TCF7: variants seen among roughly 807,000 people sequenced by gnomAD.
TCF7 encodes transcription factor 7.
TCF7 carries 19 observed loss-of-function variants against 46.8 expected under a neutral mutation model. That is an observed-to-expected ratio of 0.41 (90% CI 0.28 to 0.60). The LOEUF (loss-of-function observed/expected upper bound fraction) is 0.60, where lower values mean the gene tolerates loss of function less well. Among genes scored for constraint, TCF7 ranks in the 20% least tolerant of loss-of-function variants. The pLI, the probability that TCF7 is intolerant of heterozygous loss-of-function variation, is 0.35. For synonymous variants in TCF7, 245 were observed against 213.4 expected (o/e 1.15, Z -1.29); for missense variants, 547 against 504.6 (o/e 1.08, Z -0.81).
intron 3 of TCF7, among the ~76,000 whole-genome samples, chr5:134,130,743 G>GCC (rs1758004008): frequency 6.6e-6 from 1 of 152,162 alleles, no homozygotes; most frequent in African/African-American, 2.4e-5. Context: ...CCTGTATGCT[G>GCC]CAGTGACCCT....
intron 3 of TCF7, among the ~76,000 whole-genome samples, chr5:134,125,814 G>A (rs997982801): frequency 2.0e-5 from 3 of 152,196 alleles, no homozygotes; most frequent in Non-Finnish European, 4.4e-5. Flanking sequence ...GGGAGACCCC[G>A]GTGTCCGGTG....
chr5:134,116,425 G>A (rs901659846), intron 3 of TCF7, among the ~76,000 whole-genome samples: 11 of 152,226 alleles, frequency 7.2e-5, no homozygotes, highest in Admixed American at 5.9e-4. Context: ...AGGAAACCCT[G>A]AGCCTCCTTG....
chr5:134,115,699 TGGGAGGTCAAGTAG>T, intron 2 of TCF7, 196 bp from the exon 3 acceptor site: 1 of 1,425,120 alleles, frequency 7.0e-7, no homozygotes, highest in Non-Finnish European at 9.1e-7. Flanking sequence ...GGGCGGGGGG[TGGGAGGTCAAGTAG>T]GGGCCACCTC....
intron 3 of TCF7, among the ~76,000 whole-genome samples, chr5:134,123,251 A>G (rs1326130473): frequency 6.6e-6 from 1 of 151,960 alleles, no homozygotes; most frequent in African/African-American, 2.4e-5. Flanking sequence ...CCTCTGGCCT[A>G]CCCTACCCTT....
At chr5:134,136,032 G>A (rs1024649293) in intron 3 of TCF7, among the ~76,000 whole-genome samples, 5 of 152,202 alleles carry the variant, frequency 3.3e-5, no homozygotes. Flanking sequence ...GAGTCATCTA[G>A]TGGAGGGATG....
intron 3 of TCF7, among the ~76,000 whole-genome samples, chr5:134,126,052 G>A (rs906138566): frequency 1.3e-5 from 2 of 152,280 alleles, no homozygotes; most frequent in African/African-American, 4.8e-5. Context: ...TAACCAGCAT[G>A]AAAGTCATTA....
At chr5:134,138,923 C>T (rs758703202) in intron 4 of TCF7, 28 bp from the exon 5 acceptor site, 1 of 1,612,884 alleles carries the variant, frequency 6.2e-7, no homozygotes, top group East Asian at 2.2e-5. Context: ...TCAGGCTAGC[C>T]CACTCACTCA....
At chr5:134,126,319 T>C (rs375475864) in intron 3 of TCF7, among the ~76,000 whole-genome samples, 11 of 152,040 alleles carry the variant, frequency 7.2e-5, no homozygotes, top group African/African-American at 2.7e-4. Flanking sequence ...GGCGGGGGTG[T>C]GGGGACAGAT....
rs775254528 is a variant in TCF7 at position 134,146,393 on chromosome 5, C to G, written c.*90C>G. 6.0e-6 allele frequency: 9 copies of G among 1,489,574 alleles called. No individual in the cohort carries two copies. Among genetic ancestry groups the G allele is most frequent in the Non-Finnish European group, 8.4e-6 (9 of 1,066,534 alleles). The allele number at this position is 1,489,574 out of a possible 1,614,324, so 92.3% of individuals were successfully genotyped here. A position where few individuals can be genotyped will look rare whatever the true frequency, so the allele number is the denominator to read the frequency against. ...AGAACTGCTTACTAGCCCTGCGGAG[C>G]CGGCACCTACATCCCCAGGTCTCTC... On this transcript the variant is annotated 3_prime_UTR_variant, in exon 10 of 10. Transcript: ENST00000342854.
At chr5:134,113,390 T>C (rs1343994860), upstream of TCF7, among the ~76,000 whole-genome samples, 4 of 152,262 alleles carry the variant, frequency 2.6e-5, no homozygotes, top group African/African-American at 9.6e-5. Context: ...CAGGGAAGCA[T>C]GGCCTAGCTC....
rs1243492587 is a variant in TCF7, at chr5:134,146,513, G to C, written c.*210G>C. 8.2e-6 allele frequency: 6 copies of C among 734,856 alleles called. No individual in the cohort carries two copies. Among genetic ancestry groups the C allele is most frequent in the Non-Finnish European group, 1.5e-5 (6 of 399,760 alleles). 45.5% of individuals were successfully genotyped at this position (734,856 alleles called of 1,614,324 possible). A position where few individuals can be genotyped will look rare whatever the true frequency, so the allele number is the denominator to read the frequency against. On this transcript the variant is annotated 3_prime_UTR_variant, in exon 10 of 10. Transcript: ENST00000342854. ...ACAGCAACAGGAATCTCAGAGACAG[G>C]TGGCCTAGCAGGCACAGGACACCTG...
At chr5:134,138,009 T>G in intron 3 of TCF7, 50 bp from the exon 4 acceptor site, 1 of 1,449,860 alleles carries the variant, frequency 6.9e-7, no homozygotes. Context: ...CCCAGTGTCT[T>G]CCTCCCTCAG....
Position 134,143,455 on chromosome 5 carries a change from T to A in TCF7, c.1027-137T>A, listed in dbSNP as rs747615474. The A allele has an allele frequency of 3.9e-6, 4 of 1,018,780 alleles. No homozygotes were observed. In the Admixed American group the frequency reaches 6.8e-5, roughly 17 times the overall value. The allele number at this position is 1,018,780 out of a possible 1,614,324, so 63.1% of individuals were successfully genotyped here. On this transcript the variant is annotated intron_variant, in intron 8 of 9. Coordinates refer to ENST00000342854, the MANE Select transcript of TCF7 (RefSeq NM_003202.5). Reference sequence around the variant, plus strand: ...CATAGCAGCCTAGCAAGACCAGCAATCAAGAAACACCAGCACCCCAAGGTA... The same window carrying A: ...CATAGCAGCCTAGCAAGACCAGCAAACAAGAAACACCAGCACCCCAAGGTA...
At chr5:134,115,828 C>A in intron 2 of TCF7, 81 bp from the exon 3 acceptor site, 1 of 1,593,504 alleles carries the variant, frequency 6.3e-7, no homozygotes, top group East Asian at 2.2e-5. Flanking sequence ...CTTGGCAATT[C>A]TTTTTCTCTC....
intron 3 of TCF7, among the ~76,000 whole-genome samples, chr5:134,126,196 C>G (rs1029533485): frequency 6.6e-6 from 1 of 152,226 alleles, no homozygotes; most frequent in Non-Finnish European, 1.5e-5. Flanking sequence ...AGTGAGGTCT[C>G]TGCTGGCTGG....
chr5:134,143,733 C>G (rs1760246901), intron 9 of TCF7, 93 bp downstream of exon 9: 1 of 1,499,006 alleles, frequency 6.7e-7, no homozygotes, highest in African/African-American at 1.4e-5. Flanking sequence ...AACGCGGTAC[C>G]CAGCTAGGAG....
At chr5:134,124,236 C>A (rs1757018084) in intron 3 of TCF7, among the ~76,000 whole-genome samples, 1 of 152,208 alleles carries the variant, frequency 6.6e-6, no homozygotes, top group African/African-American at 2.4e-5. Flanking sequence ...TTGGTTCAGG[C>A]AGTTTGCTGT....
chr5:134,138,508 T>C, intron 4 of TCF7: 1 of 300,552 alleles, frequency 3.3e-6, no homozygotes, highest in Non-Finnish European at 6.2e-6. Context: ...CTGATTCACC[T>C]CAGCCTCAGG....
At chr5:134,143,413 A>C (rs1310337417) in intron 8 of TCF7, 179 bp from the exon 9 acceptor site, 1 of 826,556 alleles carries the variant, frequency 1.2e-6, no homozygotes, top group Non-Finnish European at 2.1e-6. Flanking sequence ...GTGAGGGAAG[A>C]GCTTCTAAAT....
Sources: allele counts gnomAD v4.1 joint callset (sites outside exome capture counted in the v4.1 genomes callset), GRCh38; gene constraint gnomAD v4.1.1; transcripts MANE v1.5; gene names NCBI Gene and HGNC (gene_info 2026-07-23, HGNC 2026-07-21).